The following FAM171A1 variants were observed in gnomAD, a reference collection of about 807,000 sequenced individuals.
FAM171A1 encodes the protein protein FAM171A1.
Under a neutral mutation model 74.9 loss-of-function variants are expected in FAM171A1, and 23 were observed. That is an observed-to-expected ratio of 0.31 (90% CI 0.22 to 0.44). FAM171A1 has a LOEUF of 0.44. FAM171A1 is among the 20% of genes least tolerant of loss of function. FAM171A1 has a pLI of 1.00. For missense variants in FAM171A1, 1,162 were observed against 1,159.2 expected (o/e 1.00, Z -0.03); for synonymous variants, 527 against 505.7 (o/e 1.04, Z -0.57).
At chr10:15,224,933 TCA>T (rs1271284983) in intron 5 of FAM171A1, among the ~76,000 whole-genome samples, 1 of 152,088 alleles carries the variant, frequency 6.6e-6, no homozygotes, top group Non-Finnish European at 1.5e-5. Context: ...AGCTCCAACC[TCA>T]TATAGTTTTT....
At position 15,251,933 on chromosome 10, in the gene FAM171A1, G is replaced by C. The variant is rs61844250; in HGVS notation, c.577+2788C>G. Among the ~76,000 whole-genome samples the C allele has an allele frequency of 4.6e-3, 693 of 152,260 alleles. 18 individuals carry two copies. Among genetic ancestry groups the C allele is most frequent in the Non-Finnish European group, 1.8e-3 (124 of 68,026 alleles). On this transcript the variant is annotated intron_variant, in intron 4 of 7. Transcript: ENST00000378116. ...GGGGCAGAACACCACTGGCCCAAGC[G>C]AGGAGAGGAGCTGTATCACCTTGGG...
chr10:15,226,525 T>C (rs1011223171), intron 5 of FAM171A1, among the ~76,000 whole-genome samples: 25 of 151,902 alleles, frequency 1.6e-4, no homozygotes, highest in Admixed American at 6.6e-5. Context: ...ACCACAGCCA[T>C]CCCCAGGACA....
At chr10:15,259,004 T>C (rs893774470) in intron 3 of FAM171A1, among the ~76,000 whole-genome samples, 8 of 152,236 alleles carry the variant, frequency 5.3e-5, no homozygotes, top group Admixed American at 4.6e-4. Flanking sequence ...CCTTGCCTTC[T>C]AGACACTTCT....
intron 5 of FAM171A1, among the ~76,000 whole-genome samples, chr10:15,235,853 T>C (rs767755484): frequency 1.3e-5 from 2 of 152,142 alleles, no homozygotes; most frequent in Non-Finnish European, 2.9e-5. Flanking sequence ...TGAATCTCAC[T>C]GGGGAAACCT....
intron 1 of FAM171A1, among the ~76,000 whole-genome samples, chr10:15,366,421 G>A (rs970806851): frequency 6.6e-6 from 1 of 152,080 alleles, no homozygotes; most frequent in African/African-American, 2.4e-5. Context: ...TGCCTGGCCT[G>A]AAACTTAATT....
intron 1 of FAM171A1, among the ~76,000 whole-genome samples, chr10:15,343,571 G>A (rs1316902640): frequency 6.6e-6 from 1 of 152,194 alleles, no homozygotes; most frequent in Non-Finnish European, 1.5e-5. Context: ...GATGCTTTAG[G>A]AAGAGTGAAA....
At chr10:15,304,019 A>C (rs148257821) in intron 1 of FAM171A1, among the ~76,000 whole-genome samples, 1 of 152,324 alleles carries the variant, frequency 6.6e-6, no homozygotes, top group East Asian at 1.9e-4. Flanking sequence ...CTGATGGTGC[A>C]TCTTCCCAAT....
intron 5 of FAM171A1, chr10:15,240,756 A>G: frequency 1.0e-6 from 1 of 985,186 alleles, no homozygotes; most frequent in East Asian, 1.1e-4. Context: ...CGTGATTTTG[A>G]GGCAGGGTGG....
intron 1 of FAM171A1, among the ~76,000 whole-genome samples, chr10:15,326,556 C>T (rs183578389): frequency 1.3e-5 from 2 of 152,122 alleles, no homozygotes; most frequent in East Asian, 1.9e-4. Flanking sequence ...TCAGGTGATC[C>T]ACCTGCCTCG....
chr10:15,300,583 A>C, intron 1 of FAM171A1, among the ~76,000 whole-genome samples: 1 of 150,622 alleles, frequency 6.6e-6, no homozygotes, highest in Non-Finnish European at 1.5e-5. Flanking sequence ...AAAGCTTCTC[A>C]GTTAAGAACC....
At chr10:15,369,792 C>G (rs1314516237) in intron 1 of FAM171A1, among the ~76,000 whole-genome samples, 1 of 152,190 alleles carries the variant, frequency 6.6e-6, no homozygotes, top group Non-Finnish European at 1.5e-5. Flanking sequence ...AGGAGACCCT[C>G]GGATGCAGCA....
chr10:15,217,736 T>C (rs910093822), intron 6 of FAM171A1, among the ~76,000 whole-genome samples: 4 of 151,646 alleles, frequency 2.6e-5, no homozygotes, highest in African/African-American at 7.3e-5. Flanking sequence ...CTCCTGGGTT[T>C]AAGTGATTCT....
At chr10:15,220,914 G>T (rs767702612) in intron 6 of FAM171A1, 30 bp downstream of exon 6, 2 of 1,536,386 alleles carry the variant, frequency 1.3e-6, no homozygotes, top group East Asian at 2.3e-5. Flanking sequence ...CAACTGATCC[G>T]CATCATCGCA....
chr10:15,248,830 C>T lies in FAM171A1; in HGVS notation c.578-15G>A. On this transcript the variant is annotated splice_polypyrimidine_tract_variant and intron_variant, in intron 4 of 7. Transcript: ENST00000378116. ...GGTGCTGTTTCCTAGAAGGAAGAGG[C>T]ATTTTCCATCATTTGCATGCAAAGT... is the stretch of plus-strand genomic sequence containing the variant. 1 of 1,589,400 alleles carries T rather than the reference C, an allele frequency of 6.3e-7. No homozygotes were observed. The highest frequency in any genetic ancestry group is 2.3e-5 in the East Asian group (1 of 44,176).
intron 1 of FAM171A1, among the ~76,000 whole-genome samples, chr10:15,297,348 C>T (rs1443262623): frequency 3.9e-5 from 6 of 152,084 alleles, no homozygotes; most frequent in Admixed American, 6.6e-5. Flanking sequence ...CATGAACCAC[C>T]GCACCTGGCT....
At chr10:15,237,478 G>A (rs1283845615) in intron 5 of FAM171A1, 1 of 152,124 alleles carries the variant, frequency 6.6e-6, no homozygotes, top group Admixed American at 6.6e-5. Flanking sequence ...AACAAATGTC[G>A]ATGTTCTGAG....
chr10:15,317,448 T>C (rs1835435934), intron 1 of FAM171A1, among the ~76,000 whole-genome samples: 4 of 152,124 alleles, frequency 2.6e-5, no homozygotes, highest in African/African-American at 9.7e-5. Context: ...CAGACTGGAG[T>C]GTAGTGGTAC....
intron 2 of FAM171A1, 84 bp downstream of exon 2, chr10:15,283,794 A>G (rs1448106359): frequency 7.3e-7 from 1 of 1,377,276 alleles, no homozygotes; most frequent in African/African-American, 1.4e-5. Flanking sequence ...TATGTTGCCC[A>G]AGCTGGTTTC....
chr10:15,230,487 G>C (rs1057483904), intron 5 of FAM171A1, among the ~76,000 whole-genome samples: 2 of 152,088 alleles, frequency 1.3e-5, no homozygotes, highest in African/African-American at 4.8e-5. Context: ...TAAAATTAAG[G>C]GCAACTCATT....
Sources: gnomAD v4.1 joint callset for allele counts (sites outside exome capture counted in the v4.1 genomes callset) on GRCh38, gnomAD v4.1.1 for gene constraint, MANE v1.5 for transcripts, NCBI Gene and HGNC (gene_info 2026-07-23, HGNC 2026-07-21) for gene names.